OSTF1: variants seen among roughly 807,000 people sequenced by gnomAD.
The protein encoded by OSTF1 is osteoclast-stimulating factor 1.
OSTF1 carries 27 observed loss-of-function variants against 37.2 expected under a neutral mutation model. That is an observed-to-expected ratio of 0.73 (90% CI 0.54 to 1.00). OSTF1 has a LOEUF of 1.00. OSTF1 is among the 50% of genes least tolerant of loss of function. The probability of loss-of-function intolerance (pLI) is 0.00; values close to 1 mark genes in which losing one functional copy is unlikely to be tolerated. For synonymous variants in OSTF1, 82 were observed against 89.2 expected (o/e 0.92, Z 0.46); for missense variants, 232 against 253.8 (o/e 0.91, Z 0.58).
chr9:75,122,998 A>G (rs1825604394), intron 2 of OSTF1, among the ~76,000 whole-genome samples: 1 of 152,268 alleles, frequency 6.6e-6, no homozygotes, highest in South Asian at 2.1e-4. Context: ...TATGTTACCA[A>G]GAATATATGG....
chr9:75,108,601 G>C (rs923314648), intron 1 of OSTF1, among the ~76,000 whole-genome samples: 1 of 152,250 alleles, frequency 6.6e-6, no homozygotes, highest in Non-Finnish European at 1.5e-5. Flanking sequence ...AATTAATGTT[G>C]AGAGAGTGTG....
Position 75,130,592 on chromosome 9 carries a change from G to A in OSTF1, c.147G>A (p.Trp49Ter). 6.2e-7 allele frequency: 1 copy of A among 1,609,762 alleles called. No homozygotes were observed. Among genetic ancestry groups the A allele is most frequent in the South Asian group, 1.1e-5 (1 of 90,958 alleles). The change falls in exon 4 of 10, where the codon TGG becomes TGA. Residue 49 changes from tryptophan (W) to a stop codon, truncating the protein, a stop_gained. Coordinates refer to ENST00000346234, the MANE Select transcript of OSTF1 (RefSeq NM_012383.5). LOFTEE classifies it high-confidence loss of function. ...IYITDMSDTN[W>*]WKGTSKGRTG... ...TCTTTTACCAGAGCGATACCAATTG[G>A]TGGAAAGGCACCTCCAAAGGCAGGA... is the stretch of plus-strand genomic sequence containing the variant.
chr9:75,104,372 G>A (rs964316921), intron 1 of OSTF1, among the ~76,000 whole-genome samples: 1 of 152,062 alleles, frequency 6.6e-6, no homozygotes, highest in African/African-American at 2.4e-5. Flanking sequence ...GCAAGACCCT[G>A]TCTTTACAAA....
intron 7 of OSTF1, 43 bp from the exon 8 acceptor site, chr9:75,137,495 C>A: frequency 7.8e-7 from 1 of 1,275,714 alleles, no homozygotes; most frequent in Non-Finnish European, 1.1e-6. Flanking sequence ...TTTCAATCCA[C>A]CCTCTATCTT....
intron 1 of OSTF1, among the ~76,000 whole-genome samples, chr9:75,109,895 A>G (rs1825354250): frequency 6.6e-6 from 1 of 152,170 alleles, no homozygotes. Context: ...TATTGTTTTT[A>G]AATTAATAGA....
intron 9 of OSTF1, among the ~76,000 whole-genome samples, chr9:75,146,022 T>C (rs1587484923): frequency 6.6e-6 from 1 of 152,332 alleles, no homozygotes; most frequent in East Asian, 1.9e-4. Flanking sequence ...TGTGCTTGTG[T>C]TTGCATTCTG....
chr9:75,111,124 G>A (rs1825379318), intron 1 of OSTF1, among the ~76,000 whole-genome samples: 1 of 152,128 alleles, frequency 6.6e-6, no homozygotes, highest in South Asian at 2.1e-4. Context: ...AAATTTGTAA[G>A]CCCCAGGCCC....
chr9:75,115,036 T>A (rs1369154743), intron 1 of OSTF1, among the ~76,000 whole-genome samples: 1 of 152,226 alleles, frequency 6.6e-6, no homozygotes, highest in Non-Finnish European at 1.5e-5. Flanking sequence ...ACAAAAGGTT[T>A]TTGAGTATTC....
chr9:75,119,507 A>T (rs1475541353), intron 2 of OSTF1, among the ~76,000 whole-genome samples: 1 of 152,158 alleles, frequency 6.6e-6, no homozygotes, highest in African/African-American at 2.4e-5. Flanking sequence ...TAACCAAAAG[A>T]AGTTTATTTT....
intron 1 of OSTF1, among the ~76,000 whole-genome samples, chr9:75,090,864 C>T (rs931013706): frequency 6.6e-6 from 1 of 152,154 alleles, no homozygotes; most frequent in Non-Finnish European, 1.5e-5. Context: ...CCCACATTTA[C>T]TGTGTGTTAG....
Position 75,134,373 on chromosome 9 carries a change from C to A in OSTF1, c.386C>A (p.Pro129Gln). 1.3e-6 allele frequency: 2 copies of A among 1,570,160 alleles called. No individual in the cohort carries two copies. The highest frequency in any genetic ancestry group is 2.3e-5 in the South Asian group (2 of 87,804). Residue 129 changes from proline (P) to glutamine (Q), a missense_variant, in exon 7 of 10, where the codon CCA becomes CAA. Pro to Gln is a moderately conservative substitution (Grantham distance 76, BLOSUM62 -1). Transcript: ENST00000346234. The part of the protein sequence containing the change: ...KDIVEMLFTQ[P>Q]NIELNQQNKL... ...ATAGTGGAAATGCTATTTACTCAAC[C>A]AAATATTGAACTGAACCAGCAGGTA...
At chr9:75,123,565 G>A (rs192237371) in intron 2 of OSTF1, among the ~76,000 whole-genome samples, 27 of 152,354 alleles carry the variant, frequency 1.8e-4, no homozygotes, top group Admixed American at 9.1e-4. Flanking sequence ...GAACAATTTA[G>A]ATCAGGTATC....
intron 2 of OSTF1, among the ~76,000 whole-genome samples, chr9:75,120,999 C>A (rs912971322): frequency 2.0e-5 from 3 of 152,182 alleles, no homozygotes; most frequent in African/African-American, 4.8e-5. Context: ...GTATTTCAGT[C>A]CTGCTCATAG....
At chr9:75,105,592 C>A (rs1229195591) in intron 1 of OSTF1, among the ~76,000 whole-genome samples, 1 of 152,020 alleles carries the variant, frequency 6.6e-6, no homozygotes, top group Non-Finnish European at 1.5e-5. Context: ...CATGGACGAG[C>A]CTTTGGACTG....
Position 75,146,731 on chromosome 9 carries a change from A to T in OSTF1, c.635A>T (p.Asp212Val). ...SNAEDYLDDEDSD is the reference protein window; with the variant it reads ...SNAEDYLDDEVSD ...GCCGAGGACTATCTCGATGATGAAG[A>T]CTCAGATTAATTCCTTTCTGGAGCT... Residue 212 changes from aspartate to valine, a missense_variant, in exon 10 of 10, where the codon GAC (aspartate) becomes GTC (valine). Asp to Val is a radical substitution (Grantham distance 152, BLOSUM62 -3). Coordinates refer to ENST00000346234, the MANE Select transcript of OSTF1 (RefSeq NM_012383.5). The T allele has an allele frequency of 6.2e-7, 1 of 1,606,390 alleles. No individual in the cohort carries two copies. The highest frequency in any genetic ancestry group is 1.1e-5 in the South Asian group (1 of 90,190).
intron 9 of OSTF1, among the ~76,000 whole-genome samples, chr9:75,142,942 C>CTT (rs35793257): frequency 0.36 from 51,350 of 141,464 alleles, 9,451 homozygotes; most frequent in East Asian, 0.41. Context: ...TTGTTGTCCA[C>CTT]TTTTTTTTTT....
intron 1 of OSTF1, among the ~76,000 whole-genome samples, chr9:75,111,203 A>G (rs1327848937): frequency 6.6e-6 from 1 of 152,158 alleles, no homozygotes; most frequent in African/African-American, 2.4e-5. Flanking sequence ...TTAGAGCAGA[A>G]ATTTCACCTA....
intron 1 of OSTF1, among the ~76,000 whole-genome samples, chr9:75,110,599 A>G (rs1825369261): frequency 6.6e-6 from 1 of 152,238 alleles, no homozygotes; most frequent in South Asian, 2.1e-4. Flanking sequence ...TTAAAAAGAC[A>G]TAAGTGAAAT....
intron 1 of OSTF1, among the ~76,000 whole-genome samples, chr9:75,107,854 G>C (rs1587446776): frequency 6.6e-6 from 1 of 152,222 alleles, no homozygotes; most frequent in Non-Finnish European, 1.5e-5. Flanking sequence ...AAGGATTATA[G>C]AGTGCATCGG....
Sources: gnomAD v4.1 joint callset for allele counts (sites outside exome capture counted in the v4.1 genomes callset) on GRCh38, gnomAD v4.1.1 for gene constraint, MANE v1.5 for transcripts, NCBI Gene and HGNC (gene_info 2026-07-23, HGNC 2026-07-21) for gene names.